The following TP53BP2 variants were observed in gnomAD, a reference collection of about 807,000 sequenced individuals.
TP53BP2 encodes tumor protein p53 binding protein 2.
Under a neutral mutation model 126.2 loss-of-function variants are expected in TP53BP2, and 62 were observed. The ratio of observed to expected loss-of-function variants is 0.49; its 90% CI spans 0.40 to 0.61. TP53BP2 has a LOEUF of 0.61. Ranked by LOEUF, TP53BP2 falls within the 20% of genes least tolerant of loss-of-function variation. The probability of loss-of-function intolerance (pLI) is 0.00; values close to 1 mark genes in which losing one functional copy is unlikely to be tolerated. For missense variants in TP53BP2, 1,215 were observed against 1,402.8 expected, an observed-to-expected ratio of 0.87 and a Z score of 2.14; for synonymous variants, 485 against 502.9, an observed-to-expected ratio of 0.96 and a Z score of 0.48.
intron 3 of TP53BP2, among the ~76,000 whole-genome samples, chr1:223,812,060 T>A (rs1260844676): frequency 1.4e-5 from 2 of 143,104 alleles, no homozygotes; most frequent in Non-Finnish European, 3.1e-5. Flanking sequence ...AATGCCAATA[T>A]AAAACTACAA....
intron 15 of TP53BP2, among the ~76,000 whole-genome samples, chr1:223,791,813 C>T (rs1378248743): frequency 6.6e-6 from 1 of 152,108 alleles, no homozygotes. Flanking sequence ...GCTGTCTATT[C>T]TGTTAGTTTT....
At chr1:223,810,067 TCAC>T (rs1662859921) in intron 4 of TP53BP2, among the ~76,000 whole-genome samples, 3 of 152,192 alleles carry the variant, frequency 2.0e-5, no homozygotes, top group Admixed American at 2.0e-4. Context: ...CTCAGGTGAG[TCAC>T]CCACCTCAGC....
At chr1:223,788,930 T>C in intron 16 of TP53BP2, 78 bp downstream of exon 16, 1 of 1,480,348 alleles carries the variant, frequency 6.8e-7, no homozygotes, top group Non-Finnish European at 9.2e-7. Context: ...CAAACAAAAA[T>C]ACTTATTGAA....
chr1:223,840,924 C>T (rs1328723335), intron 1 of TP53BP2, among the ~76,000 whole-genome samples: 3 of 152,172 alleles, frequency 2.0e-5, no homozygotes, highest in Non-Finnish European at 4.4e-5. Context: ...CTTTTAAGAG[C>T]TGAAGTCACA....
At chr1:223,838,690 G>C (rs778966298) in intron 1 of TP53BP2, among the ~76,000 whole-genome samples, 7 of 152,110 alleles carry the variant, frequency 4.6e-5, no homozygotes, top group Non-Finnish European at 7.3e-5. Flanking sequence ...AAAGGTGATG[G>C]TAAGAACCGC....
In TP53BP2 at chr1:223,780,573, A is replaced by G. The variant is rs1228970605; in HGVS notation, c.*280T>C. The G allele has an allele frequency of 2.9e-6, 1 of 343,816 alleles. No homozygotes were observed. The highest frequency in any genetic ancestry group is 4.6e-5 in the Admixed American group (1 of 21,906). The allele number at this position is 343,816 out of a possible 1,614,324, so 21.3% of individuals were successfully genotyped here. On this transcript the variant is annotated 3_prime_UTR_variant, in exon 18 of 18. Transcript: ENST00000343537. ...CCTATTTACTAGACAGGATTCTTGT[A>G]GAAAACAGGATTGTCGCTGTATACT...
At chr1:223,812,621 G>A (rs563924395) in intron 3 of TP53BP2, among the ~76,000 whole-genome samples, 1 of 152,202 alleles carries the variant, frequency 6.6e-6, no homozygotes, top group Admixed American at 6.5e-5. Context: ...AGTGCGTGGT[G>A]CCATCTCGGC....
intron 16 of TP53BP2, among the ~76,000 whole-genome samples, chr1:223,786,562 G>A (rs1296204186): frequency 6.9e-6 from 1 of 145,654 alleles, no homozygotes; most frequent in East Asian, 2.0e-4. Flanking sequence ...TTATATATAT[G>A]TGTGTGTGTG....
chr1:223,798,692 T>G lies in TP53BP2; in HGVS notation c.1486-15A>C, dbSNP rs780000532. On this transcript the variant is annotated splice_polypyrimidine_tract_variant and intron_variant, in intron 11 of 17. Transcript: ENST00000343537. ...TTATTTGCAACCTATAACACACACATAAAAAGCCAGTTAAAATACTATATA... is the reference window on the plus strand; with the variant it reads ...TTATTTGCAACCTATAACACACACAGAAAAAGCCAGTTAAAATACTATATA... 4 of 1,566,590 alleles carry G rather than the reference T, an allele frequency of 2.6e-6. No homozygotes were observed. Among genetic ancestry groups the G allele is most frequent in the Non-Finnish European group, 2.6e-6 (3 of 1,155,380 alleles).
chr1:223,800,881 G>T, intron 9 of TP53BP2, 71 bp from the exon 10 acceptor site: 3 of 1,110,616 alleles, frequency 2.7e-6, no homozygotes, highest in Non-Finnish European at 2.6e-6. Flanking sequence ...TTACTGCTAA[G>T]ACTTTTAATC....
chr1:223,814,935 A>G (rs1663036863), intron 2 of TP53BP2, among the ~76,000 whole-genome samples: 3 of 152,206 alleles, frequency 2.0e-5, no homozygotes, highest in Admixed American at 6.5e-5. Flanking sequence ...TACCAGTGTC[A>G]GAATTTTTCT....
chr1:223,796,580 C>A lies in TP53BP2; in HGVS notation c.1959G>T (p.Lys653Asn). The A allele has an allele frequency of 6.2e-7, 1 of 1,601,294 alleles. No homozygotes were observed. The highest frequency in any genetic ancestry group is 1.1e-5 in the South Asian group (1 of 90,310). ...GATTCTGGGCAGCAGCAATTACAGG[C>A]TTACCATATACTAATTGGAAAAGGA... ...RGPHFSSVYGKPVIAAAQNQQ... is the reference protein window; with the variant it reads ...RGPHFSSVYGNPVIAAAQNQQ... Residue 653 changes from lysine (K) to asparagine (N), a missense_variant, in exon 13 of 18, where the codon AAG (lysine) becomes AAT (asparagine). By Grantham distance (94) the Lys-to-Asn change is moderately conservative (BLOSUM62 0). Coordinates refer to ENST00000343537, the MANE Select transcript of TP53BP2 (RefSeq NM_001031685.3). The surrounding 1 kb of genome is among the most constrained non-coding windows in gnomAD (Gnocchi z 4.2).
intron 4 of TP53BP2, among the ~76,000 whole-genome samples, 168 bp from the exon 5 acceptor site, chr1:223,807,115 A>G (rs750732810): frequency 1.3e-5 from 2 of 152,226 alleles, no homozygotes; most frequent in Non-Finnish European, 2.9e-5. Context: ...TTATATTAAT[A>G]CTCACCACAT....
intron 1 of TP53BP2, among the ~76,000 whole-genome samples, chr1:223,824,136 T>C (rs1426360903): frequency 6.6e-6 from 1 of 152,228 alleles, no homozygotes; most frequent in Non-Finnish European, 1.5e-5. Context: ...ATTCTGTTTT[T>C]CTGATCTATC....
At chr1:223,787,156 A>G (rs2102832817) in intron 16 of TP53BP2, among the ~76,000 whole-genome samples, 1 of 152,222 alleles carries the variant, frequency 6.6e-6, no homozygotes, top group African/African-American at 2.4e-5. Context: ...TCGGCCTCCC[A>G]AAGTGTTGGG....
At chr1:223,831,364 C>T (rs1663703310) in intron 1 of TP53BP2, among the ~76,000 whole-genome samples, 1 of 144,904 alleles carries the variant, frequency 6.9e-6, no homozygotes, top group Non-Finnish European at 1.5e-5. Context: ...TGCCACTACA[C>T]TCCAGCTTGG....
Position 223,784,096 on chromosome 1 carries a change from A to G in TP53BP2, c.3363+19T>C. 1.2e-6 allele frequency: 2 copies of G among 1,611,922 alleles called. No individual in the cohort carries two copies. Among genetic ancestry groups the G allele is most frequent in the Non-Finnish European group, 1.7e-6 (2 of 1,177,976 alleles). The stretch of plus-strand genomic sequence containing the variant: ...TCTCTGGCACATATGAAAACACCGT[A>G]AGCGTCAGAATAACTTACTCCCAGC... On this transcript the variant is annotated intron_variant, in intron 17 of 17. Transcript: ENST00000343537.
chr1:223,792,356 G>C, intron 15 of TP53BP2, 33 bp downstream of exon 15: 1 of 1,575,364 alleles, frequency 6.3e-7, no homozygotes, highest in Non-Finnish European at 8.6e-7. Flanking sequence ...TCCCACAACT[G>C]AAGTTTGACT....
At chr1:223,835,838 C>T (rs919445101) in intron 1 of TP53BP2, among the ~76,000 whole-genome samples, 1 of 151,928 alleles carries the variant, frequency 6.6e-6, no homozygotes, top group African/African-American at 2.4e-5. Flanking sequence ...CTGCAAACCA[C>T]GAAAAGGGTG....
Sources: gnomAD v4.1 joint callset for allele counts (sites outside exome capture counted in the v4.1 genomes callset) on GRCh38, gnomAD v4.1.1 for gene constraint, Gnocchi (gnomAD v3.1) non-coding constraint, MANE v1.5 for transcripts, NCBI Gene and HGNC (gene_info 2026-07-23, HGNC 2026-07-21) for gene names.